Variants in SSBP2 observed in about 807,000 individuals in gnomAD.
SSBP2 encodes single-stranded DNA-binding protein 2.
Under a neutral mutation model 61.8 loss-of-function variants are expected in SSBP2, and 17 were observed. That is an observed-to-expected ratio of 0.28 (90% CI 0.19 to 0.41). The LOEUF is 0.41. SSBP2 is among the 10% of genes least tolerant of loss of function. The probability of loss-of-function intolerance (pLI) is 1.00; values close to 1 mark genes in which losing one functional copy is unlikely to be tolerated. For missense variants in SSBP2, 310 were observed against 458.7 expected, an observed-to-expected ratio of 0.68 and a Z score of 2.96; for synonymous variants, 139 against 141.3, an observed-to-expected ratio of 0.98 and a Z score of 0.12.
chr5:81,475,127 G>C (rs1265411107), intron 6 of SSBP2, among the ~76,000 whole-genome samples: 1 of 152,132 alleles, frequency 6.6e-6, no homozygotes, highest in Non-Finnish European at 1.5e-5. Context: ...GAACGTAACA[G>C]GGTTTGTTTC....
chr5:81,666,950 A>G (rs1451817443), intron 1 of SSBP2, among the ~76,000 whole-genome samples: 3 of 152,214 alleles, frequency 2.0e-5, no homozygotes, highest in African/African-American at 7.2e-5. Context: ...TCACATAAAA[A>G]TTAACACCAG....
intron 10 of SSBP2, among the ~76,000 whole-genome samples, chr5:81,460,506 G>A (rs1482339003): frequency 6.6e-6 from 1 of 151,974 alleles, no homozygotes; most frequent in Non-Finnish European, 1.5e-5. Context: ...ATCAAACCAC[G>A]GCCACAAATA....
intron 1 of SSBP2, among the ~76,000 whole-genome samples, chr5:81,716,514 T>G (rs1755181829): frequency 6.6e-6 from 1 of 152,234 alleles, no homozygotes. Context: ...ATTGCAGCAC[T>G]GCCTTTGAAT....
intron 3 of SSBP2, among the ~76,000 whole-genome samples, chr5:81,632,376 G>A (rs1009795418): frequency 1.7e-4 from 26 of 152,130 alleles, no homozygotes; most frequent in African/African-American, 5.6e-4. Context: ...ACAGTTAGTG[G>A]CAGGCTTGAG....
intron 1 of SSBP2, among the ~76,000 whole-genome samples, chr5:81,672,989 C>A (rs916347907): frequency 2.6e-5 from 4 of 151,938 alleles, no homozygotes; most frequent in African/African-American, 4.8e-5. Flanking sequence ...AGGCGCCTTG[C>A]CACCACGATG....
chr5:81,741,542 T>C (rs1218941597), intron 1 of SSBP2, among the ~76,000 whole-genome samples: 1 of 152,152 alleles, frequency 6.6e-6, no homozygotes, highest in Non-Finnish European at 1.5e-5. Context: ...TCTCAATAAT[T>C]CATACTGAAA....
chr5:81,467,021 T>G lies in SSBP2; in HGVS notation c.591A>C (p.Arg197Ser), dbSNP rs1447466154. Residue 197 changes from arginine (R) to serine (S), a missense_variant, in exon 9 of 17, where the codon AGA becomes AGC. Arg to Ser is a moderately radical substitution (Grantham distance 110). Around this residue, in one of 4 missense-constraint regions of SSBP2, gnomAD observed 209 missense variants for 286.4 expected, o/e 0.73. Transcript: ENST00000320672. ...GGCCACCTAAAGCATTCAGTGGGGGTCTCATTGCACCTCCATAGTTCTGTA... is the reference window on the plus strand; with the variant it reads ...GGCCACCTAAAGCATTCAGTGGGGGGCTCATTGCACCTCCATAGTTCTGTA... 1 of 1,610,174 alleles carries G rather than the reference T, an allele frequency of 6.2e-7. No homozygotes were observed. The highest frequency in any genetic ancestry group is 8.5e-7 in the Non-Finnish European group (1 of 1,177,424).
At chr5:81,578,000 A>C (rs534957717) in intron 4 of SSBP2, among the ~76,000 whole-genome samples, 2 of 152,208 alleles carry the variant, frequency 1.3e-5, no homozygotes, top group East Asian at 3.9e-4. Flanking sequence ...CACATTTTAT[A>C]GAATAAAAAA....
chr5:81,493,328 A>T (rs764250205), intron 5 of SSBP2, among the ~76,000 whole-genome samples: 21 of 152,034 alleles, frequency 1.4e-4, no homozygotes, highest in Non-Finnish European at 2.6e-4. Context: ...TCCATTGTCC[A>T]GGCTGGAGTG....
At chr5:81,473,522 G>A (rs1487783423) in intron 8 of SSBP2, among the ~76,000 whole-genome samples, 178 bp downstream of exon 8, 2 of 152,138 alleles carry the variant, frequency 1.3e-5, no homozygotes, top group Non-Finnish European at 2.9e-5. Context: ...AGTTTGCTGA[G>A]GATGATGGCT....
intron 4 of SSBP2, among the ~76,000 whole-genome samples, chr5:81,542,608 C>T (rs1430356202): frequency 6.9e-6 from 1 of 145,578 alleles, no homozygotes; most frequent in Admixed American, 6.8e-5. Flanking sequence ...GAATACTATG[C>T]ATCCACAAAA....
At chr5:81,422,979 T>G (rs1343396681) in intron 16 of SSBP2, among the ~76,000 whole-genome samples, 2 of 152,244 alleles carry the variant, frequency 1.3e-5, no homozygotes, top group Admixed American at 1.3e-4. Context: ...GCTTCAACTA[T>G]CCAGAGCCTG....
At chr5:81,530,015 C>T (rs944159194) in intron 4 of SSBP2, among the ~76,000 whole-genome samples, 1 of 151,862 alleles carries the variant, frequency 6.6e-6, no homozygotes. Flanking sequence ...GAAAAGTAGA[C>T]AGAGATAGCG....
intron 1 of SSBP2, among the ~76,000 whole-genome samples, chr5:81,667,913 A>G (rs1751281838): frequency 6.6e-6 from 1 of 152,186 alleles, no homozygotes; most frequent in African/African-American, 2.4e-5. Context: ...TGGAAAGAGA[A>G]ACGGTTGACT....
chr5:81,649,911 T>C lies in SSBP2; in HGVS notation c.135+356A>G, dbSNP rs1272922341. On this transcript the variant is annotated intron_variant, in intron 2 of 16. Coordinates refer to ENST00000320672, the MANE Select transcript of SSBP2 (RefSeq NM_012446.5). ...TACAAAATAAACAAAATCCACATTT[T>C]CCAAAATTATGATATTGTTCGAGTG... Among the ~76,000 whole-genome samples, 3 of 152,134 alleles carry C rather than the reference T, an allele frequency of 2.0e-5. No homozygotes were observed. In the South Asian group the frequency reaches 6.2e-4, roughly 31 times the overall value.
intron 2 of SSBP2, among the ~76,000 whole-genome samples, chr5:81,642,432 A>G (rs953103742): frequency 1.3e-5 from 2 of 152,210 alleles, no homozygotes; most frequent in African/African-American, 4.8e-5. Flanking sequence ...CTAATGCCAT[A>G]TTCTGCACTT....
intron 1 of SSBP2, among the ~76,000 whole-genome samples, chr5:81,707,696 T>C (rs748843636): frequency 1.3e-5 from 2 of 150,972 alleles, no homozygotes; most frequent in Non-Finnish European, 3.0e-5. Flanking sequence ...CAAAAGTGGC[T>C]GTAAGGGAAA....
chr5:81,735,306 T>C (rs1260213500), intron 1 of SSBP2, among the ~76,000 whole-genome samples: 1 of 152,168 alleles, frequency 6.6e-6, no homozygotes, highest in East Asian at 1.9e-4. Context: ...ATATATAACA[T>C]AGGACTTTTT....
At chr5:81,673,946 T>A (rs979594098) in intron 1 of SSBP2, among the ~76,000 whole-genome samples, 2 of 152,184 alleles carry the variant, frequency 1.3e-5, no homozygotes, top group African/African-American at 4.8e-5. Context: ...AAATACAGGT[T>A]GAAGCCAGGC....
Sources: allele counts gnomAD v4.1 joint callset (sites outside exome capture counted in the v4.1 genomes callset), GRCh38; gene constraint gnomAD v4.1.1; regional missense constraint gnomAD v4.1.1; transcripts MANE v1.5; gene names NCBI Gene and HGNC (gene_info 2026-07-23, HGNC 2026-07-21).